ARHGEF11: variants seen among roughly 807,000 people sequenced by gnomAD.
ARHGEF11 encodes the protein Rho guanine exchange factor (GEF) 11.
In ARHGEF11, 55 loss-of-function variants were observed where a neutral mutation model predicts 193.7. The ratio of observed to expected loss-of-function variants is 0.28; its 90% CI spans 0.23 to 0.36. ARHGEF11 has a LOEUF of 0.36. ARHGEF11 is among the 10% of genes least tolerant of loss of function. The pLI is 1.00. For synonymous variants in ARHGEF11, 693 were observed against 768.0 expected (o/e 0.90, Z 1.62); for missense variants, 1,723 against 2,005.6 (o/e 0.86, Z 2.69).
At chr1:157,046,857 C>G (rs1349770414), upstream of ARHGEF11, among the ~76,000 whole-genome samples, 1 of 150,966 alleles carries the variant, frequency 6.6e-6, no homozygotes, top group East Asian at 1.9e-4. Context: ...ACTAAAAATA[C>G]AAAACTAGCC....
intron 33 of ARHGEF11, 124 bp from the exon 34 acceptor site, chr1:156,942,113 A>C: frequency 7.2e-7 from 1 of 1,382,578 alleles, no homozygotes; most frequent in Non-Finnish European, 9.9e-7. Context: ...GCAGGTGCCC[A>C]CCTCCCTGTA....
At chr1:156,978,173 G>C (rs763919530) in intron 6 of ARHGEF11, 31 bp downstream of exon 6, 15 of 1,613,642 alleles carry the variant, frequency 9.3e-6, no homozygotes, top group East Asian at 2.2e-5. Flanking sequence ...AGGACATTAG[G>C]GTGAGGAAAG....
At chr1:157,029,996 G>A (rs1187242775) in intron 1 of ARHGEF11, among the ~76,000 whole-genome samples, 1 of 152,142 alleles carries the variant, frequency 6.6e-6, no homozygotes, top group East Asian at 1.9e-4. Flanking sequence ...AGGGGAAGGG[G>A]GCAATGGGGA....
At chr1:156,964,711 G>A (rs946574920) in intron 11 of ARHGEF11, among the ~76,000 whole-genome samples, 1 of 152,176 alleles carries the variant, frequency 6.6e-6, no homozygotes, top group Non-Finnish European at 1.5e-5. Flanking sequence ...ACTGACTGGT[G>A]TGCTCAAAGC....
intron 2 of ARHGEF11, among the ~76,000 whole-genome samples, chr1:156,985,525 GC>G (rs1664786506): frequency 6.6e-6 from 1 of 152,100 alleles, no homozygotes; most frequent in East Asian, 1.9e-4. Flanking sequence ...CTGGGTTCAA[GC>G]AATTCTCCTG....
chr1:156,982,192 GTT>G (rs905648559), intron 3 of ARHGEF11, among the ~76,000 whole-genome samples: 1 of 144,644 alleles, frequency 6.9e-6, no homozygotes, highest in Non-Finnish European at 1.5e-5. Context: ...ATAACTTAGT[GTT>G]TTTTTTTTTT....
At chr1:156,967,547 A>G (rs1661851898) in intron 11 of ARHGEF11, among the ~76,000 whole-genome samples, 1 of 151,710 alleles carries the variant, frequency 6.6e-6, no homozygotes, top group African/African-American at 2.4e-5. Flanking sequence ...GAGGTTGATC[A>G]GTAAAGGTCC....
intron 1 of ARHGEF11, among the ~76,000 whole-genome samples, chr1:157,008,844 G>A (rs1337605799): frequency 6.6e-6 from 1 of 152,204 alleles, no homozygotes; most frequent in Non-Finnish European, 1.5e-5. Context: ...TCTAAGCTGG[G>A]AGCCAATGGT....
chr1:156,940,018 G>A, intron 36 of ARHGEF11, 108 bp from the exon 37 acceptor site: 1 of 1,520,828 alleles, frequency 6.6e-7, no homozygotes, highest in Non-Finnish European at 8.8e-7. Flanking sequence ...AGGCACAGGT[G>A]AAGCTGGAGG....
chr1:156,978,994 T>G (rs1663683597), intron 5 of ARHGEF11, among the ~76,000 whole-genome samples: 1 of 152,182 alleles, frequency 6.6e-6, no homozygotes, highest in Admixed American at 6.5e-5. Context: ...AAGATGAGTG[T>G]GGGTAAAAAT....
At chr1:157,002,640 T>C (rs575486804) in intron 1 of ARHGEF11, among the ~76,000 whole-genome samples, 32 of 152,322 alleles carry the variant, frequency 2.1e-4, no homozygotes, top group Non-Finnish European at 1.2e-4. Flanking sequence ...AACTAGATGA[T>C]AAACTCCTCA....
At chr1:156,971,488 C>T (rs1038879602) in intron 8 of ARHGEF11, among the ~76,000 whole-genome samples, 1 of 152,166 alleles carries the variant, frequency 6.6e-6, no homozygotes, top group East Asian at 1.9e-4. Flanking sequence ...AAGAAATAGG[C>T]TTTTTCTTTT....
chr1:157,033,499 C>T (rs901603395), intron 1 of ARHGEF11, among the ~76,000 whole-genome samples: 2 of 152,152 alleles, frequency 1.3e-5, no homozygotes, highest in Admixed American at 6.5e-5. Flanking sequence ...TGTTTAATCC[C>T]ATGTCTGCAC....
chr1:156,990,107 C>T lies in ARHGEF11; in HGVS notation c.33-3934G>A, dbSNP rs147688920. Among the ~76,000 whole-genome samples the T allele has an allele frequency of 1.4e-4, 21 of 152,326 alleles. No homozygotes were observed. The East Asian group carries it at 3.3e-3, about 24-fold the overall frequency. Reference sequence around the variant, plus strand: ...CAGTTCAGGAGCCAATCAAAGATCTCGAATTATACTTACGTCCTGTCTCTC... The same window carrying T: ...CAGTTCAGGAGCCAATCAAAGATCTTGAATTATACTTACGTCCTGTCTCTC... On this transcript the variant is annotated intron_variant, in intron 1 of 40. Coordinates refer to ENST00000368194, the MANE Select transcript of ARHGEF11 (RefSeq NM_198236.3).
At position 156,963,286 on chromosome 1, in the gene ARHGEF11, C is replaced by T. The variant is rs755998250; in HGVS notation, c.1057G>A (p.Asp353Asn). ...GGCCGAGACTTCAGTTTCTCCAGAT[C>T]CTGGAATATGATGTCGCTCTGGAAG... ...FNNESDIIFQ[D>N]LEKLKSRPAH... Residue 353 changes from aspartate (D) to asparagine (N), a missense_variant, in exon 13 of 41, where the codon GAT (aspartate) becomes AAT (asparagine). By Grantham distance (23) the Asp-to-Asn change is conservative. This residue lies in a region of ARHGEF11 where 646 missense variants were observed against 710.7 expected (regional missense o/e 0.91). Transcript: ENST00000368194. 48 of 1,613,932 alleles carry T rather than the reference C, an allele frequency of 3.0e-5. No individual in the cohort carries two copies. The highest frequency in any genetic ancestry group is 4.0e-5 in the Non-Finnish European group (47 of 1,180,000).
chr1:156,967,813 T>A, intron 11 of ARHGEF11, 174 bp downstream of exon 11: 1 of 778,726 alleles, frequency 1.3e-6, no homozygotes, highest in Non-Finnish European at 2.1e-6. Context: ...TCTCTATTTA[T>A]GCCATGTTCT....
chr1:157,012,530 C>T (rs1668663231), intron 1 of ARHGEF11, among the ~76,000 whole-genome samples: 1 of 152,128 alleles, frequency 6.6e-6, no homozygotes, highest in Non-Finnish European at 1.5e-5. Context: ...AAAGAACCAG[C>T]CCTTCACTTC....
chr1:156,942,360 T>C (rs1009686851), intron 33 of ARHGEF11, among the ~76,000 whole-genome samples: 1 of 152,172 alleles, frequency 6.6e-6, no homozygotes, highest in Non-Finnish European at 1.5e-5. Context: ...TCAAAGAACA[T>C]GGGCTGGGTG....
Position 156,936,921 on chromosome 1 carries a change from T to G in ARHGEF11, c.4525A>C (p.Thr1509Pro). The G allele has an allele frequency of 3.1e-6, 5 of 1,614,042 alleles. No homozygotes were observed. Among genetic ancestry groups the G allele is most frequent in the Non-Finnish European group, 4.2e-6 (5 of 1,179,998 alleles). Reference protein sequence around the residue: ...GGTTPVGSFHTEAARWTDGSL... With the variant: ...GGTTPVGSFHPEAARWTDGSL... ...CCATCTGTCCATCTAGCTGCTTCTG[T>G]GTGGAAACTGCCCACAGGCGTGGTG... The change falls in exon 40 of 41, where the codon ACA (threonine) becomes CCA (proline). Residue 1509 changes from threonine (T) to proline (P), a missense_variant. By Grantham distance (38) the Thr-to-Pro change is conservative. Transcript: ENST00000368194.
Sources: allele counts gnomAD v4.1 joint callset (sites outside exome capture counted in the v4.1 genomes callset), GRCh38; gene constraint gnomAD v4.1.1; regional missense constraint gnomAD v4.1.1; transcripts MANE v1.5; gene names NCBI Gene and HGNC (gene_info 2026-07-23, HGNC 2026-07-21).